The following FAM98B variants were observed in gnomAD, a reference collection of about 807,000 sequenced individuals.
FAM98B encodes tRNA-splicing ligase complex subunit FAM98B.
In FAM98B, 32 loss-of-function variants were observed where a neutral mutation model predicts 43.9. The ratio of observed to expected loss-of-function variants is 0.73; its 90% confidence interval spans 0.55 to 0.98. The LOEUF (loss-of-function observed/expected upper bound fraction) is 0.98. Ranked by LOEUF, FAM98B falls within the 50% of genes least tolerant of loss-of-function variation. The pLI is 0.00. For synonymous variants in FAM98B, 190 were observed against 174.0 expected (o/e 1.09, Z -0.72); for missense variants, 514 against 522.9 (o/e 0.98, Z 0.17).
In FAM98B at chr15:38,470,399, A is replaced by G. The variant is rs1478589369; in HGVS notation, c.525A>G (p.Glu175=). Residue 175 remains glutamate, a synonymous_variant, in exon 4 of 8, where the codon GAA becomes GAG. Transcript: ENST00000397609. ...TTCCGCATATGCTAAACCAAGTGGAATCAAAGGTATTATCTTTGTTTTATT... is the reference window on the plus strand; with the variant it reads ...TTCCGCATATGCTAAACCAAGTGGAGTCAAAGGTATTATCTTTGTTTTATT... ...SDIPHMLNQV[E]SKVKDILSKV... is the part of the protein sequence containing the mutation. 1.9e-6 allele frequency: 3 copies of G among 1,590,706 alleles called. No homozygotes were observed. Among genetic ancestry groups the G allele is most frequent in the African/African-American group, 1.4e-5 (1 of 73,488 alleles).
At position 38,484,647 on chromosome 15, in the gene FAM98B, T is replaced by C. The variant is rs1003876998; in HGVS notation, c.1290T>C (p.Tyr430=). ...GGGGGGGGGG[Y]RRY is the part of the protein sequence containing the mutation. Reference sequence around the variant, plus strand: ...GTGGTGGTGGTGGAGGAGGTGGATATAGAAGATACTAAAAACTATAAAAAT... The same window carrying C: ...GTGGTGGTGGTGGAGGAGGTGGATACAGAAGATACTAAAAACTATAAAAAT... Residue 430 remains tyrosine (Y), a synonymous_variant, in exon 8 of 8, where the codon TAT becomes TAC. Coordinates refer to ENST00000397609, the MANE Select transcript of FAM98B (RefSeq NM_173611.4). 15 of 1,515,836 alleles carry C rather than the reference T, an allele frequency of 9.9e-6. No individual in the cohort carries two copies. The Admixed American group carries it at 2.2e-4, about 23-fold the overall frequency. 93.9% of individuals were successfully genotyped at this position (1,515,836 alleles called of 1,614,324 possible). A position where few individuals can be genotyped will look rare whatever the true frequency, so the allele number is the denominator to read the frequency against.
intron 1 of FAM98B, among the ~76,000 whole-genome samples, chr15:38,457,292 C>G (rs1430537061): frequency 1.3e-5 from 2 of 152,178 alleles, no homozygotes; most frequent in African/African-American, 2.4e-5. Context: ...GTTGGGATTA[C>G]AGGTGTGAGC....
intron 6 of FAM98B, among the ~76,000 whole-genome samples, chr15:38,477,297 C>CA (rs1450105347): frequency 6.6e-6 from 1 of 150,530 alleles, no homozygotes; most frequent in Non-Finnish European, 1.5e-5. Flanking sequence ...AGATAAACCT[C>CA]ATTTTTTTTT....
Position 38,481,773 on chromosome 15 carries a change from T to C in FAM98B, c.897+314T>C. 4.4e-6 allele frequency: 3 copies of C among 677,986 alleles called. No individual in the cohort carries two copies. In the East Asian group the frequency reaches 9.2e-5, roughly 21 times the overall value. The allele number at this position is 677,986 out of a possible 1,614,324, so 42.0% of individuals were successfully genotyped here. On this transcript the variant is annotated intron_variant, in intron 7 of 7. Transcript: ENST00000397609. ...TGTCAGTAAGAATCTTTCGGAATTG[T>C]TTCAAGTACTGACAGATTCGTTATA...
chr15:38,458,404 G>A (rs1889885983), intron 1 of FAM98B, among the ~76,000 whole-genome samples: 1 of 152,142 alleles, frequency 6.6e-6, no homozygotes, highest in South Asian at 2.1e-4. Flanking sequence ...AGAGTTCAGT[G>A]GCTTTTAGGG....
At chr15:38,464,841 A>C (rs147157854) in intron 2 of FAM98B, among the ~76,000 whole-genome samples, 1 of 152,102 alleles carries the variant, frequency 6.6e-6, no homozygotes, top group Non-Finnish European at 1.5e-5. Context: ...GGCTCAAGCA[A>C]CCCTCTCACC....
intron 2 of FAM98B, among the ~76,000 whole-genome samples, 163 bp from the exon 3 acceptor site, chr15:38,465,106 T>G (rs1180383708): frequency 6.6e-6 from 1 of 152,264 alleles, no homozygotes; most frequent in Middle Eastern, 3.2e-3. Flanking sequence ...TAATAATGCT[T>G]TTACTATTTC....
intron 7 of FAM98B, chr15:38,483,042 T>C (rs188828212): frequency 1.1e-4 from 17 of 152,354 alleles, no homozygotes; most frequent in Admixed American, 7.2e-4. Context: ...CCTGGAATTA[T>C]AGTTTTTATA....
intron 1 of FAM98B, among the ~76,000 whole-genome samples, chr15:38,461,726 C>G (rs1889949139): frequency 6.6e-6 from 1 of 151,932 alleles, no homozygotes; most frequent in South Asian, 2.1e-4. Flanking sequence ...TAAACATATG[C>G]AAAGATACCC....
chr15:38,476,976 G>A (rs1424356202), intron 6 of FAM98B, among the ~76,000 whole-genome samples: 1 of 151,892 alleles, frequency 6.6e-6, no homozygotes, highest in Non-Finnish European at 1.5e-5. Context: ...GGGCGACAGA[G>A]CAAGACTCTG....
At chr15:38,484,227 A>C in intron 7 of FAM98B, 28 bp from the exon 8 acceptor site, 1 of 1,539,094 alleles carries the variant, frequency 6.5e-7, no homozygotes, top group Non-Finnish European at 8.8e-7. Flanking sequence ...AAATATTAGG[A>C]ACTAAAAGAA....
rs560806369 is a variant in FAM98B, at chr15:38,470,352, C to T, written c.478C>T (p.Pro160Ser). The stretch of plus-strand genomic sequence containing the variant: ...AGCTATGTTTGATACACTTGGTATA[C>T]CCAAGTCAACAACTTCTGACATTCC... ...VQAMFDTLGI[P>S]KSTTSDIPHM... The change falls in exon 4 of 8, where the codon CCC becomes TCC. Residue 160 changes from proline (P) to serine (S), a missense_variant. This residue lies in a region of FAM98B where 469 missense variants were observed against 451.8 expected (regional missense o/e 1.04). Coordinates refer to ENST00000397609, the MANE Select transcript of FAM98B (RefSeq NM_173611.4). 1 of 1,604,162 alleles carries T rather than the reference C, an allele frequency of 6.2e-7. No homozygotes were observed. Among genetic ancestry groups the T allele is most frequent in the East Asian group, 2.2e-5 (1 of 44,592 alleles).
chr15:38,465,302 T>C lies in FAM98B; in HGVS notation c.251T>C (p.Ile84Thr), dbSNP rs1391868997. The change falls in exon 3 of 8, where the codon ATA (isoleucine) becomes ACA (threonine). Residue 84 changes from isoleucine (I) to threonine (T), a missense_variant. By Grantham distance (89) the Ile-to-Thr change is moderately conservative. Coordinates refer to ENST00000397609, the MANE Select transcript of FAM98B (RefSeq NM_173611.4). ...RDDLESFQLE[I>T]SGFLKEMACP... is the part of the protein sequence containing the mutation. ...GATCTAGAGAGCTTCCAGCTTGAGA[T>C]AAGTGGCTTTTTAAAAGAAATGGCA... is the stretch of plus-strand genomic sequence containing the variant. The C allele has an allele frequency of 6.2e-7, 1 of 1,610,978 alleles. No individual in the cohort carries two copies. Among genetic ancestry groups the C allele is most frequent in the Admixed American group, 1.7e-5 (1 of 59,208 alleles).
Position 38,473,573 on chromosome 15 carries a change from T to C in FAM98B, c.600T>C (p.Asn200=). ...AACCACTGCTGAAAATGGATTTAAA[T>C]TCAGAACAGGCGGTAAATCCCCCTT... ...VGKPLLKMDL[N]SEQAEQLERI... is the part of the protein sequence containing the mutation. The change falls in exon 5 of 8, where the codon AAT becomes AAC. Residue 200 remains asparagine, a synonymous_variant. Transcript: ENST00000397609. 1.2e-6 allele frequency: 2 copies of C among 1,609,266 alleles called. No homozygotes were observed. Among genetic ancestry groups the C allele is most frequent in the Non-Finnish European group, 1.7e-6 (2 of 1,177,874 alleles).
At chr15:38,468,691 C>G (rs971503428) in intron 3 of FAM98B, among the ~76,000 whole-genome samples, 2 of 152,146 alleles carry the variant, frequency 1.3e-5, no homozygotes, top group African/African-American at 4.8e-5. Flanking sequence ...TCAATCTTGC[C>G]TGACCTTGGC....
intron 3 of FAM98B, among the ~76,000 whole-genome samples, chr15:38,468,369 C>T (rs781698646): frequency 8.5e-4 from 130 of 152,118 alleles, no homozygotes; most frequent in Admixed American, 2.1e-3. Context: ...GGACTACAGG[C>T]GTACACCACC....
intron 6 of FAM98B, among the ~76,000 whole-genome samples, chr15:38,478,806 A>C (rs1890243124): frequency 6.6e-6 from 1 of 152,172 alleles, no homozygotes; most frequent in Non-Finnish European, 1.5e-5. Flanking sequence ...TCACTGTTTT[A>C]CTAGTATTGA....
At chr15:38,484,110 T>G in intron 7 of FAM98B, 145 bp from the exon 8 acceptor site, 1 of 672,728 alleles carries the variant, frequency 1.5e-6, no homozygotes, top group Admixed American at 3.2e-5. Context: ...CACTTAATAT[T>G]TTTAATATTA....
intron 1 of FAM98B, 115 bp from the exon 2 acceptor site, chr15:38,463,917 T>G (rs1595797813): frequency 5.1e-6 from 5 of 972,026 alleles, no homozygotes. Flanking sequence ...TTAATGGCTG[T>G]GTTCCAATAA....
Sources: gnomAD v4.1 joint callset for allele counts (sites outside exome capture counted in the v4.1 genomes callset) on GRCh38, gnomAD v4.1.1 for gene constraint, gnomAD v4.1.1 regional missense constraint, MANE v1.5 for transcripts, NCBI Gene and HGNC (gene_info 2026-07-23, HGNC 2026-07-21) for gene names.